PLAGL1: variants seen among roughly 807,000 people sequenced by gnomAD.
The protein encoded by PLAGL1 is zinc finger protein PLAGL1.
Under a neutral mutation model 4.6 loss-of-function variants are expected in PLAGL1, and 1 was observed. That is an observed-to-expected ratio of 0.22 (90% CI 0.08 to 1.03). The LOEUF (loss-of-function observed/expected upper bound fraction) is 1.03, where lower values mean the gene tolerates loss of function less well. Among genes scored for constraint, PLAGL1 ranks in the 50% least tolerant of loss-of-function variants. The pLI is 0.58. For synonymous variants in PLAGL1, 240 were observed against 237.8 expected (o/e 1.01, Z -0.08); for missense variants, 464 against 570.4 (o/e 0.81, Z 1.90).
intron 6 of PLAGL1, among the ~76,000 whole-genome samples, chr6:143,956,086 G>A (rs1364801383): frequency 6.6e-6 from 1 of 152,166 alleles, no homozygotes; most frequent in Admixed American, 6.5e-5. Flanking sequence ...CTAGGGAAGC[G>A]GATGCCTTTC....
rs1799218281 is a variant in PLAGL1 at position 144,059,312 on chromosome 6, A to G, written c.-151+5156T>C. 6.6e-6 allele frequency among the ~76,000 whole-genome samples: 1 copy of G among 152,240 alleles called. No homozygotes were observed. Among genetic ancestry groups the G allele is most frequent in the Non-Finnish European group, 1.5e-5 (1 of 68,042 alleles). ...GCTTCCCAGGGTGGTGCAGGGCATC[A>G]GGGCCCCAGGCCTGGCCCTTTAAGC... On this transcript the variant is annotated intron_variant, in intron 1 of 3. Transcript: ENST00000437412. The surrounding 1 kb of genome is among the most constrained non-coding windows in gnomAD (Gnocchi z 4.9).
rs1202718521 is a variant in PLAGL1, at chr6:143,994,448, A to G, written c.-583-9274T>C. ...TCTCTGAATGTGACAAGGTATTACC[A>G]TTAAAGCGTATGACACTGATTTTAC... On this transcript the variant is annotated intron_variant, in intron 1 of 7. Coordinates refer to ENST00000674357, the MANE Select transcript of PLAGL1 (RefSeq NM_001317162.2). This position sits in a 1 kb window ranked among gnomAD's most constrained non-coding sequence, Gnocchi z 4.3. Among the ~76,000 whole-genome samples, 1 of 152,266 alleles carries G rather than the reference A, an allele frequency of 6.6e-6. No individual in the cohort carries two copies. Among genetic ancestry groups the G allele is most frequent in the Non-Finnish European group, 1.5e-5 (1 of 68,048 alleles).
chr6:144,060,142 G>A (rs967936749), intron 1 of PLAGL1, among the ~76,000 whole-genome samples: 1 of 151,956 alleles, frequency 6.6e-6, no homozygotes, highest in African/African-American at 2.4e-5. Flanking sequence ...CGACCTCCCA[G>A]ACTCAAGCAA....
Position 143,972,756 on chromosome 6 carries a change from A to AT in PLAGL1, c.-543-3779dup, listed in dbSNP as rs1373432320. On this transcript the variant is annotated intron_variant, in intron 2 of 7. Transcript: ENST00000674357. This position sits in a 1 kb window ranked among gnomAD's most constrained non-coding sequence, Gnocchi z 6.8. Reference sequence around the variant, plus strand: ...ATATAATATCAATAATGCTTACTGTATCACTGTTTTCTTTCCTCTCAAGGC... The same window carrying AT: ...ATATAATATCAATAATGCTTACTGTATTCACTGTTTTCTTTCCTCTCAAGGC... Among the ~76,000 whole-genome samples the AT allele has an allele frequency of 6.6e-6, 1 of 152,156 alleles. No homozygotes were observed. The highest frequency in any genetic ancestry group is 2.4e-5 in the African/African-American group (1 of 41,422).
Position 143,964,212 on chromosome 6 carries a change from G to A in PLAGL1, c.-399+575C>T, listed in dbSNP as rs543658022. On this transcript the variant is annotated intron_variant, in intron 5 of 7. Transcript: ENST00000674357. The surrounding 1 kb of genome is among the most constrained non-coding windows in gnomAD (Gnocchi z 4.3). ...GACAGCTACGTGAAGAGTGTGCCTCGGGAGGCCAGACCTGAGGCAGGAGGT... is the reference window on the plus strand; with the variant it reads ...GACAGCTACGTGAAGAGTGTGCCTCAGGAGGCCAGACCTGAGGCAGGAGGT... 1.2e-3 allele frequency among the ~76,000 whole-genome samples: 182 copies of A among 151,866 alleles called. No homozygotes were observed. The highest frequency in any genetic ancestry group is 3.9e-3 in the African/African-American group (160 of 41,356).
chr6:144,037,420 A>C (rs1797324802), intron 1 of PLAGL1: 1 of 150,236 alleles, frequency 6.7e-6, no homozygotes, highest in Non-Finnish European at 1.5e-5. Flanking sequence ...TCTACCAAAA[A>C]AAAAAAAAAA....
chr6:144,017,104 T>C (rs1487756192), intron 1 of PLAGL1, among the ~76,000 whole-genome samples: 5 of 152,224 alleles, frequency 3.3e-5, no homozygotes, highest in African/African-American at 1.2e-4. Flanking sequence ...AAAAATCTTT[T>C]AGTGTGTTCA....
Position 143,988,968 on chromosome 6 carries a change from T to C in PLAGL1, c.-583-3794A>G, listed in dbSNP as rs141203150. ...TTCAGTTCATTGCAATGCCCTTACA[T>C]AGACATGAAGACAGGTCACGTATGT... On this transcript the variant is annotated intron_variant, in intron 1 of 7. Transcript: ENST00000674357. Among the ~76,000 whole-genome samples the C allele has an allele frequency of 1.9e-3, 293 of 152,290 alleles. 4 individuals are homozygous for C. The highest frequency in any genetic ancestry group is 0.014 in the East Asian group (72 of 5,174).
At chr6:144,049,614 G>C (rs879462942) in intron 1 of PLAGL1, among the ~76,000 whole-genome samples, 2 of 152,020 alleles carry the variant, frequency 1.3e-5, no homozygotes, top group Non-Finnish European at 2.9e-5. Flanking sequence ...ATCAGATCTT[G>C]TGAGAACTCA....
At position 144,006,598 on chromosome 6, in the gene PLAGL1, C is replaced by T. The variant is rs12208752; in HGVS notation, c.-584+1492G>A. The T allele has an allele frequency of 6.6e-6, 1 of 151,684 alleles. No homozygotes were observed. Among genetic ancestry groups the T allele is most frequent in the Non-Finnish European group, 1.5e-5 (1 of 67,950 alleles). 9.4% of individuals were successfully genotyped at this position (151,684 alleles called of 1,614,324 possible). On this transcript the variant is annotated intron_variant, in intron 1 of 7. Transcript: ENST00000674357. This position sits in a 1 kb window ranked among gnomAD's most constrained non-coding sequence, Gnocchi z 4.3. The stretch of plus-strand genomic sequence containing the variant: ...AACTTTTTTTTTTTTTGGTTCAACA[C>T]TGAAAGGCATTTGTGTTGAAACACA...
At chr6:144,014,458 G>A (rs373355169) in intron 1 of PLAGL1, among the ~76,000 whole-genome samples, 1 of 151,904 alleles carries the variant, frequency 6.6e-6, no homozygotes, top group African/African-American at 2.4e-5. Context: ...AAAGACAGTC[G>A]GGTACTGACA....
rs1562587427 is a variant in PLAGL1, at chr6:144,027,245, AAG to A, written c.-151+37221_-151+37222del. ...ACTCAAAGAACGAACGAAAGAAAGA[AAG>A]AAAGAAAGAAAGAAAGAAAGAAAGA... On this transcript the variant is annotated intron_variant, in intron 1 of 3. Coordinates refer to the PLAGL1 transcript ENST00000437412. This position sits in a 1 kb window ranked among gnomAD's most constrained non-coding sequence, Gnocchi z 5.8. Among the ~76,000 whole-genome samples the A allele has an allele frequency of 6.3e-5, 8 of 127,110 alleles. No individual in the cohort carries two copies. The highest frequency in any genetic ancestry group is 2.3e-4 in the African/African-American group (8 of 35,374). The allele number at this position is 127,110 out of a possible 152,430, so 83.4% of individuals were successfully genotyped here.
At position 143,958,631 on chromosome 6, in the gene PLAGL1, C is replaced by T. The variant is rs1432661933; in HGVS notation, c.-325+1838G>A. The stretch of plus-strand genomic sequence containing the variant: ...TCATGTCCAATAAATTCAAAGGATG[C>T]AAAGCAAATTGTTCATCCAGGAATA... On this transcript the variant is annotated intron_variant, in intron 6 of 7. Coordinates refer to ENST00000674357, the MANE Select transcript of PLAGL1 (RefSeq NM_001317162.2). The surrounding 1 kb of genome is among the most constrained non-coding windows in gnomAD (Gnocchi z 5.1). Among the ~76,000 whole-genome samples, 1 of 152,118 alleles carries T rather than the reference C, an allele frequency of 6.6e-6. No homozygotes were observed. The highest frequency in any genetic ancestry group is 1.9e-4 in the East Asian group (1 of 5,198).
intron 1 of PLAGL1, among the ~76,000 whole-genome samples, chr6:144,047,205 C>T (rs1204886154): frequency 1.3e-5 from 2 of 152,204 alleles, no homozygotes; most frequent in East Asian, 1.9e-4. Flanking sequence ...GGGCTGCACC[C>T]ACTGTCCAAC....
Position 143,948,872 on chromosome 6 carries a change from A to G in PLAGL1, c.-324-412T>C, listed in dbSNP as rs1780400064. The stretch of plus-strand genomic sequence containing the variant: ...AAAATCACCCACACTTACTCAAACC[A>G]CGGGCTCTTCCTCATCACTCATTGT... On this transcript the variant is annotated intron_variant, in intron 6 of 7. Transcript: ENST00000674357. The surrounding 1 kb of genome is among the most constrained non-coding windows in gnomAD (Gnocchi z 6.0). 6.6e-6 allele frequency among the ~76,000 whole-genome samples: 1 copy of G among 152,122 alleles called. No homozygotes were observed. The highest frequency in any genetic ancestry group is 6.5e-5 in the Admixed American group (1 of 15,272).
At chr6:144,019,067 G>A (rs551782138) in intron 1 of PLAGL1, among the ~76,000 whole-genome samples, 1 of 152,140 alleles carries the variant, frequency 6.6e-6, no homozygotes, top group East Asian at 1.9e-4. Context: ...ACTAGACTAT[G>A]TTGCAAAAAC....
At position 143,984,441 on chromosome 6, in the gene PLAGL1, C is replaced by A. The variant is rs1392363102; in HGVS notation, c.-544+694G>T. ...AGCTTTTTTCCCAAATTTAAATGAC[C>A]ATATGCTCATTTTCCATATAATATC... On this transcript the variant is annotated intron_variant, in intron 2 of 7. Coordinates refer to ENST00000674357, the MANE Select transcript of PLAGL1 (RefSeq NM_001317162.2). The surrounding 1 kb of genome is among the most constrained non-coding windows in gnomAD (Gnocchi z 5.5). Among the ~76,000 whole-genome samples, 1 of 151,966 alleles carries A rather than the reference C, an allele frequency of 6.6e-6. No homozygotes were observed. The highest frequency in any genetic ancestry group is 1.5e-5 in the Non-Finnish European group (1 of 68,004).
Position 144,053,682 on chromosome 6 carries a change from C to T in PLAGL1, c.-151+10786G>A, listed in dbSNP as rs1266712916. 1.3e-5 allele frequency among the ~76,000 whole-genome samples: 2 copies of T among 152,272 alleles called. No individual in the cohort carries two copies. The highest frequency in any genetic ancestry group is 1.9e-4 in the East Asian group (1 of 5,188). On this transcript the variant is annotated intron_variant, in intron 1 of 3. Coordinates refer to the PLAGL1 transcript ENST00000437412. This position sits in a 1 kb window ranked among gnomAD's most constrained non-coding sequence, Gnocchi z 4.0. ...ACTTACCACCTAAAAGTTTAGGCTT[C>T]GGGGATGGCAAATACATGGAAAATG...
chr6:144,041,329 C>A (rs1797710373), intron 1 of PLAGL1, among the ~76,000 whole-genome samples: 1 of 152,068 alleles, frequency 6.6e-6, no homozygotes, highest in Admixed American at 6.5e-5. Flanking sequence ...CTATCCCTCC[C>A]CCATGCCCCC....
Sources: allele counts gnomAD v4.1 joint callset (sites outside exome capture counted in the v4.1 genomes callset), GRCh38; gene constraint gnomAD v4.1.1; non-coding constraint Gnocchi (gnomAD v3.1); transcripts MANE v1.5; gene names NCBI Gene and HGNC (gene_info 2026-07-23, HGNC 2026-07-21).